The following TTC39C variants were observed in gnomAD, a reference collection of about 807,000 sequenced individuals.
TTC39C encodes the protein tetratricopeptide repeat protein 39C.
Under a neutral mutation model 76.3 loss-of-function variants are expected in TTC39C, and 33 were observed. The ratio of observed to expected loss-of-function variants is 0.43; its 90% CI spans 0.33 to 0.58. The LOEUF (loss-of-function observed/expected upper bound fraction) is 0.58. Among genes scored for constraint, TTC39C ranks in the 20% least tolerant of loss-of-function variants. TTC39C has a pLI of 0.04. For synonymous variants in TTC39C, 254 were observed against 260.6 expected (o/e 0.97, Z 0.24); for missense variants, 595 against 701.4 (o/e 0.85, Z 1.71).
intron 13 of TTC39C, 106 bp from the exon 14 acceptor site, chr18:24,132,379 T>C (rs2085141150): frequency 2.4e-6 from 2 of 819,286 alleles, no homozygotes; most frequent in African/African-American, 1.8e-5. Context: ...ACTGGGAGTG[T>C]AGAGATTTTA....
At chr18:24,119,972 C>T (rs564533056) in intron 8 of TTC39C, among the ~76,000 whole-genome samples, 3 of 150,986 alleles carry the variant, frequency 2.0e-5, no homozygotes, top group South Asian at 2.1e-4. Flanking sequence ...TTCCCCCCCC[C>T]CAATATTTGG....
At chr18:24,018,072 T>C (rs2217373) in intron 1 of TTC39C, among the ~76,000 whole-genome samples, 88,083 of 152,056 alleles carry the variant, frequency 0.58, 29,043 homozygotes, top group Non-Finnish European at 0.77. Flanking sequence ...ATTAGAAATA[T>C]ATGCACAGTT....
intron 6 of TTC39C, among the ~76,000 whole-genome samples, chr18:24,106,223 G>A (rs543334941): frequency 1.3e-5 from 2 of 152,262 alleles, no homozygotes; most frequent in East Asian, 1.9e-4. Flanking sequence ...GCCAATTAGT[G>A]TCTCCCCACA....
chr18:24,129,968 G>A (rs2085103620), intron 11 of TTC39C, among the ~76,000 whole-genome samples: 1 of 152,092 alleles, frequency 6.6e-6, no homozygotes, highest in African/African-American at 2.4e-5. Context: ...CGAGATCATA[G>A]TTACCTTGTG....
intron 1 of TTC39C, among the ~76,000 whole-genome samples, chr18:24,049,923 C>T (rs72879817): frequency 0.054 from 8,271 of 152,202 alleles, 233 homozygotes; most frequent in South Asian, 0.098. Flanking sequence ...AATAGTCTGT[C>T]GTATTAATTA....
chr18:24,046,486 A>G lies in TTC39C; in HGVS notation c.168-17654A>G, dbSNP rs1320714781. On this transcript the variant is annotated intron_variant, in intron 1 of 13. Coordinates refer to ENST00000317571, the MANE Select transcript of TTC39C (RefSeq NM_001135993.2). ...TAGTCATAGATTTAGTCCAGGATCA[A>G]CTTGAGATTTTAACTTGGTAGCGTT... 2.6e-5 allele frequency among the ~76,000 whole-genome samples: 4 copies of G among 151,874 alleles called. 1 individual carries two copies. The highest frequency in any genetic ancestry group is 9.7e-5 in the African/African-American group (4 of 41,116).
Position 24,052,001 on chromosome 18 carries a change from T to C in TTC39C, c.168-12139T>C, listed in dbSNP as rs77380443. Among the ~76,000 whole-genome samples, 654 of 152,160 alleles carry C rather than the reference T, an allele frequency of 4.3e-3. 2 individuals carry two copies. Among genetic ancestry groups the C allele is most frequent in the African/African-American group, 0.015 (610 of 41,538 alleles). ...ACTTCCATTTATTCAAACAAACAAA[T>C]AATGACACAAATATCAAATAGTAAT... is the stretch of plus-strand genomic sequence containing the variant. On this transcript the variant is annotated intron_variant, in intron 1 of 13. Transcript: ENST00000317571.
intron 1 of TTC39C, among the ~76,000 whole-genome samples, chr18:23,994,715 T>C (rs528877519): frequency 6.4e-4 from 97 of 152,270 alleles, no homozygotes; most frequent in African/African-American, 2.3e-3. Context: ...TGCTACTGAG[T>C]GTGATTCTCA....
rs566645930 is a variant in TTC39C at position 24,131,513 on chromosome 18, C to T, written c.1624-369C>T. On this transcript the variant is annotated intron_variant, in intron 12 of 13. Coordinates refer to ENST00000317571, the MANE Select transcript of TTC39C (RefSeq NM_001135993.2). Reference sequence around the variant, plus strand: ...GGATCGCTTGAGGTTTGAGACCAACCTGGCCAACAGAGCTAAATCCCGTCT... The same window carrying T: ...GGATCGCTTGAGGTTTGAGACCAACTTGGCCAACAGAGCTAAATCCCGTCT... Among the ~76,000 whole-genome samples the T allele has an allele frequency of 2.0e-5, 3 of 152,038 alleles. No homozygotes were observed. The East Asian group carries it at 5.8e-4, about 29-fold the overall frequency.
upstream of TTC39C, among the ~76,000 whole-genome samples, chr18:24,010,823 G>A (rs966117204): frequency 2.0e-5 from 3 of 152,162 alleles, no homozygotes; most frequent in Admixed American, 6.5e-5. Flanking sequence ...CGAGGTGGGC[G>A]GATCACCTGA....
chr18:24,025,417 G>A (rs1263739638), intron 1 of TTC39C, among the ~76,000 whole-genome samples: 1 of 152,186 alleles, frequency 6.6e-6, no homozygotes, highest in Non-Finnish European at 1.5e-5. Flanking sequence ...CAACTCAGAT[G>A]CCACAAGCAG....
rs370006797 is a variant in TTC39C at position 24,066,144 on chromosome 18, A to C, written c.345+4A>C. On this transcript the variant is annotated splice_donor_region_variant and intron_variant, in intron 3 of 13. Transcript: ENST00000317571. ...CAAGAATAAAATTAAGAAGAACGTA[A>C]GTATTGCGGCTTTAGGTTGTGGACT... 1.3e-5 allele frequency: 20 copies of C among 1,595,670 alleles called. No homozygotes were observed. The highest frequency in any genetic ancestry group is 1.6e-5 in the Non-Finnish European group (19 of 1,175,416).
intron 9 of TTC39C, chr18:24,124,172 T>C (rs144228791): frequency 2.4e-4 from 87 of 359,684 alleles, no homozygotes; most frequent in African/African-American, 1.8e-3. Context: ...AATCGATGAG[T>C]CCTGCAGATA....
intron 6 of TTC39C, among the ~76,000 whole-genome samples, chr18:24,103,004 A>C (rs1472873924): frequency 3.3e-5 from 5 of 152,094 alleles, no homozygotes; most frequent in Non-Finnish European, 7.4e-5. Context: ...TGGGAGGCTG[A>C]GGTGGGAGGA....
intron 4 of TTC39C, among the ~76,000 whole-genome samples, chr18:24,071,267 A>G (rs1358197132): frequency 1.3e-5 from 2 of 152,208 alleles, no homozygotes; most frequent in African/African-American, 2.4e-5. Flanking sequence ...CGTTTGTTCA[A>G]TCATTGATCC....
chr18:24,088,380 T>C (rs1257444801), intron 6 of TTC39C, among the ~76,000 whole-genome samples: 2 of 152,142 alleles, frequency 1.3e-5, no homozygotes, highest in South Asian at 2.1e-4. Context: ...TAGGTAAAAA[T>C]CATGTTGGTG....
intron 11 of TTC39C, 38 bp downstream of exon 11, chr18:24,129,021 T>A (rs1032775075): frequency 6.5e-7 from 1 of 1,532,614 alleles, no homozygotes; most frequent in Non-Finnish European, 9.0e-7. Flanking sequence ...AGAAAATAAG[T>A]CACGAACACC....
At chr18:24,011,710 A>C (rs2083394507), upstream of TTC39C, among the ~76,000 whole-genome samples, 1 of 152,254 alleles carries the variant, frequency 6.6e-6, no homozygotes, top group Non-Finnish European at 1.5e-5. Context: ...CAGTGAAATC[A>C]AATGAAGAAC....
At chr18:24,042,677 A>G (rs1313206031) in intron 1 of TTC39C, among the ~76,000 whole-genome samples, 1 of 152,200 alleles carries the variant, frequency 6.6e-6, no homozygotes, top group African/African-American at 2.4e-5. Flanking sequence ...GGTCAATGAT[A>G]CTATACGTAG....
Sources: gnomAD v4.1 joint callset for allele counts (sites outside exome capture counted in the v4.1 genomes callset) on GRCh38, gnomAD v4.1.1 for gene constraint, MANE v1.5 for transcripts, NCBI Gene and HGNC (gene_info 2026-07-23, HGNC 2026-07-21) for gene names.